The following LRFN5 variants were observed in gnomAD, a reference collection of about 807,000 sequenced individuals.
LRFN5 encodes leucine rich repeat and fibronectin type III domain containing 5.
A neutral mutation model predicts 45.6 loss-of-function variants in LRFN5; 24 were observed. That is an observed-to-expected ratio of 0.53 (90% CI 0.38 to 0.74). LRFN5 has a LOEUF of 0.74. Among genes scored for constraint, LRFN5 ranks in the 30% least tolerant of loss-of-function variants. LRFN5 has a pLI of 0.00. For missense variants in LRFN5, 776 were observed against 861.5 expected, an observed-to-expected ratio of 0.90 and a Z score of 1.24; for synonymous variants, 340 against 313.8, an observed-to-expected ratio of 1.08 and a Z score of -0.88.
intron 2 of LRFN5, among the ~76,000 whole-genome samples, chr14:41,817,159 C>G (rs1887950185): frequency 6.6e-6 from 1 of 151,990 alleles, no homozygotes; most frequent in Non-Finnish European, 1.5e-5. Flanking sequence ...TATATCTCTG[C>G]TTACATTGTC....
chr14:41,877,286 G>A (rs1469634112), intron 2 of LRFN5, among the ~76,000 whole-genome samples: 2 of 152,058 alleles, frequency 1.3e-5, no homozygotes, highest in African/African-American at 2.4e-5. Flanking sequence ...CTGGGATTAC[G>A]GGTGCAGAAT....
chr14:41,881,715 T>G (rs1890386931), intron 2 of LRFN5, among the ~76,000 whole-genome samples: 1 of 152,154 alleles, frequency 6.6e-6, no homozygotes, highest in Non-Finnish European at 1.5e-5. Flanking sequence ...AAAATCTGAA[T>G]TTAGTTTTTT....
intron 1 of LRFN5, among the ~76,000 whole-genome samples, chr14:41,628,880 G>T (rs535143268): frequency 1.2e-4 from 18 of 152,206 alleles, no homozygotes; most frequent in African/African-American, 4.3e-4. Context: ...TGTGTCTCCT[G>T]TCAGCGCATA....
chr14:41,867,677 A>T (rs1043027340), intron 2 of LRFN5, among the ~76,000 whole-genome samples: 2 of 152,046 alleles, frequency 1.3e-5, no homozygotes, highest in African/African-American at 4.8e-5. Flanking sequence ...TATGTATTTT[A>T]TCTCCATCAG....
Position 41,904,308 on chromosome 14 carries a change from C to A in LRFN5, c.*133C>A, listed in dbSNP as rs1891189985. ...CGTAGAAGAAATTGTCTACAGGAGC[C>A]AAGGTGAAAGTCTCTGATGACGGCG... On this transcript the variant is annotated 3_prime_UTR_variant, in exon 6 of 6. Coordinates refer to ENST00000298119, the MANE Select transcript of LRFN5 (RefSeq NM_152447.5). 1.8e-6 allele frequency: 2 copies of A among 1,114,984 alleles called. No homozygotes were observed. The highest frequency in any genetic ancestry group is 2.7e-6 in the Non-Finnish European group (2 of 749,576). 69.1% of individuals were successfully genotyped at this position (1,114,984 alleles called of 1,614,324 possible). A position where few individuals can be genotyped will look rare whatever the true frequency, so the allele number is the denominator to read the frequency against.
intron 1 of LRFN5, among the ~76,000 whole-genome samples, chr14:41,690,403 A>T (rs2138703774): frequency 6.6e-6 from 1 of 152,152 alleles, no homozygotes; most frequent in Admixed American, 6.5e-5. Context: ...AAAATACAAA[A>T]TTAGCCGGGC....
intron 2 of LRFN5, among the ~76,000 whole-genome samples, chr14:41,789,860 G>C (rs1416532693): frequency 6.6e-6 from 1 of 151,604 alleles, no homozygotes; most frequent in Admixed American, 6.6e-5. Flanking sequence ...TTTTTGACTG[G>C]TTTCGTAATA....
intron 1 of LRFN5, among the ~76,000 whole-genome samples, chr14:41,608,798 A>C (rs1174880919): frequency 1.3e-5 from 2 of 152,156 alleles, no homozygotes; most frequent in Non-Finnish European, 2.9e-5. Context: ...GATGTGCTCC[A>C]CCCTGAGGAT....
At chr14:41,734,346 T>TATATA (rs1566642940) in intron 1 of LRFN5, among the ~76,000 whole-genome samples, 1 of 35,154 alleles carries the variant, frequency 2.8e-5, no homozygotes, top group Non-Finnish European at 8.4e-5. Context: ...ATATATATAT[T>TATATA]TAAATTTGCT....
At chr14:41,879,564 G>A (rs1890302591) in intron 2 of LRFN5, among the ~76,000 whole-genome samples, 1 of 150,544 alleles carries the variant, frequency 6.6e-6, no homozygotes, top group South Asian at 2.1e-4. Context: ...TATATTACAT[G>A]TTTAAATTGT....
chr14:41,788,947 G>A (rs1009665915), intron 2 of LRFN5, among the ~76,000 whole-genome samples: 2 of 151,818 alleles, frequency 1.3e-5, no homozygotes, highest in Admixed American at 6.6e-5. Flanking sequence ...AACTTGAAAG[G>A]GTTGAGGAAA....
At chr14:41,651,961 T>C (rs1014642263) in intron 1 of LRFN5, among the ~76,000 whole-genome samples, 1 of 152,068 alleles carries the variant, frequency 6.6e-6, no homozygotes, top group Admixed American at 6.6e-5. Context: ...ACTTCTTGTA[T>C]CAATACCAGT....
intron 1 of LRFN5, among the ~76,000 whole-genome samples, chr14:41,641,661 G>A (rs1052626106): frequency 2.6e-5 from 4 of 151,980 alleles, no homozygotes; most frequent in Admixed American, 2.0e-4. Context: ...TAATGCCACA[G>A]TAATAGAGAT....
chr14:41,615,657 A>G (rs565602284), intron 1 of LRFN5, among the ~76,000 whole-genome samples: 2 of 152,276 alleles, frequency 1.3e-5, no homozygotes, highest in African/African-American at 4.8e-5. Context: ...TGGAGCAGAG[A>G]AAGCAAGAAA....
chr14:41,838,934 G>T (rs1300015137), intron 2 of LRFN5, among the ~76,000 whole-genome samples: 1 of 152,020 alleles, frequency 6.6e-6, no homozygotes, highest in African/African-American at 2.4e-5. Context: ...TTAAAATATT[G>T]CAGCCTCTAT....
At chr14:41,767,838 A>T (rs978044537) in intron 2 of LRFN5, among the ~76,000 whole-genome samples, 4 of 152,088 alleles carry the variant, frequency 2.6e-5, no homozygotes, top group African/African-American at 9.7e-5. Context: ...GTCTCAGGAA[A>T]AGTTCGGACT....
At chr14:41,693,865 T>G (rs1395884542) in intron 1 of LRFN5, among the ~76,000 whole-genome samples, 1 of 152,054 alleles carries the variant, frequency 6.6e-6, no homozygotes, top group Admixed American at 6.6e-5. Context: ...AAGCGTTCAG[T>G]GTCCTCCATT....
intron 2 of LRFN5, among the ~76,000 whole-genome samples, chr14:41,868,806 A>G (rs76107923): frequency 0.016 from 2,399 of 152,286 alleles, 29 homozygotes; most frequent in Non-Finnish European, 0.023. Context: ...TAAAACATAC[A>G]TGTGTAGTAC....
chr14:41,892,225 G>A, intron 4 of LRFN5: 1 of 984,972 alleles, frequency 1.0e-6, no homozygotes, highest in South Asian at 4.7e-5. Context: ...ATCATTTTGA[G>A]AACTCACATA....
Sources: gnomAD v4.1 joint callset for allele counts (sites outside exome capture counted in the v4.1 genomes callset) on GRCh38, gnomAD v4.1.1 for gene constraint, MANE v1.5 for transcripts, NCBI Gene and HGNC (gene_info 2026-07-23, HGNC 2026-07-21) for gene names.